Variants in MAP4K4 observed in about 807,000 individuals in gnomAD.
The protein encoded by MAP4K4 is mitogen-activated protein kinase kinase kinase kinase 4.
Under a neutral mutation model 189.6 loss-of-function variants are expected in MAP4K4, and 38 were observed. The observed-to-expected ratio is 0.20, with a 90% CI of 0.15 to 0.26. The LOEUF is 0.26. Ranked by LOEUF, MAP4K4 falls within the 10% of genes least tolerant of loss-of-function variation. The probability of loss-of-function intolerance (pLI) is 1.00; values close to 1 mark genes in which losing one functional copy is unlikely to be tolerated. For missense variants in MAP4K4, 1,054 were observed against 1,726.9 expected (o/e 0.61, Z 6.91); for synonymous variants, 610 against 624.3 (o/e 0.98, Z 0.34).
In MAP4K4 at chr2:101,844,026, A is replaced by G. The variant is rs1378195198; in HGVS notation, c.1023-75A>G. ...AGAATGAATGTAGAAATGGGATAATATGCTGGTGCTATTGACTCACTTATA... is the reference window on the plus strand; with the variant it reads ...AGAATGAATGTAGAAATGGGATAATGTGCTGGTGCTATTGACTCACTTATA... On this transcript the variant is annotated intron_variant, in intron 11 of 32. Transcript: ENST00000324219. 1.9e-5 allele frequency: 18 copies of G among 939,964 alleles called. No homozygotes were observed. The Admixed American group carries it at 4.1e-4, about 21-fold the overall frequency. The allele number at this position is 939,964 out of a possible 1,614,324, so 58.2% of individuals were successfully genotyped here. A position where few individuals can be genotyped will look rare whatever the true frequency, so the allele number is the denominator to read the frequency against.
At chr2:101,765,961 A>T (rs2078455015) in intron 2 of MAP4K4, among the ~76,000 whole-genome samples, 3 of 152,000 alleles carry the variant, frequency 2.0e-5, no homozygotes, top group Non-Finnish European at 4.4e-5. Flanking sequence ...TTTCATCTTT[A>T]AAAAAAATTA....
chr2:101,892,889 TC>T (rs1365422531), exon 33 of MAP4K4: 2 of 456,344 alleles, frequency 4.4e-6, no homozygotes, highest in Admixed American at 4.7e-5. Context: ...CATGTCACAG[TC>T]CTGCCATCTT....
At chr2:101,727,487 A>C (rs1314687714) in intron 2 of MAP4K4, among the ~76,000 whole-genome samples, 4 of 152,264 alleles carry the variant, frequency 2.6e-5, no homozygotes, top group African/African-American at 4.8e-5. Context: ...AGATAAAGCC[A>C]ATAATATCTG....
intron 3 of MAP4K4, among the ~76,000 whole-genome samples, chr2:101,791,436 A>T (rs956281013): frequency 6.6e-6 from 1 of 152,144 alleles, no homozygotes; most frequent in Non-Finnish European, 1.5e-5. Flanking sequence ...TAAATTCTTT[A>T]AAAATAGTAA....
At chr2:101,715,587 C>T (rs186613576) in intron 2 of MAP4K4, among the ~76,000 whole-genome samples, 3 of 152,186 alleles carry the variant, frequency 2.0e-5, no homozygotes, top group Admixed American at 1.3e-4. Context: ...TATCTCTAAT[C>T]CAAAAGTCTG....
chr2:101,755,929 C>CTTTTTTTTTTTTTTTT (rs57392183), intron 2 of MAP4K4, among the ~76,000 whole-genome samples: 1 of 57,792 alleles, frequency 1.7e-5, no homozygotes, highest in African/African-American at 7.2e-5. Context: ...AGTTCTTTTT[C>CTTTTTTTTTTTTTTTT]TTTTTTTTTT....
chr2:101,810,950 C>T lies in MAP4K4; in HGVS notation c.181-12978C>T, dbSNP rs142876537. Among the ~76,000 whole-genome samples, 14 of 152,308 alleles carry T rather than the reference C, an allele frequency of 9.2e-5. No homozygotes were observed. The East Asian group carries it at 2.3e-3, about 25-fold the overall frequency. ...TCCATGGACAAGACGGTGCCTTATG[C>T]ACACTGCTGATAGATTCTGATGTGA... On this transcript the variant is annotated intron_variant, in intron 3 of 32. Coordinates refer to ENST00000324219, the Ensembl canonical transcript of MAP4K4.
intron 12 of MAP4K4, among the ~76,000 whole-genome samples, chr2:101,846,482 T>C (rs1282265365): frequency 1.3e-5 from 2 of 152,186 alleles, no homozygotes; most frequent in African/African-American, 4.8e-5. Context: ...GCACTGGAAA[T>C]GTCTTTCAGG....
At chr2:101,739,251 A>G (rs1052566127) in intron 2 of MAP4K4, among the ~76,000 whole-genome samples, 1 of 152,236 alleles carries the variant, frequency 6.6e-6, no homozygotes, top group African/African-American at 2.4e-5. Context: ...AAATGTGGAC[A>G]GTAGTTCCCA....
intron 2 of MAP4K4, among the ~76,000 whole-genome samples, chr2:101,773,704 CTTT>C (rs910842293): frequency 5.3e-5 from 8 of 152,110 alleles, no homozygotes; most frequent in Non-Finnish European, 1.2e-4. Context: ...TTCTAACTAT[CTTT>C]TTTGTACCCA....
intron 3 of MAP4K4, among the ~76,000 whole-genome samples, chr2:101,802,110 T>C (rs1321943289): frequency 6.6e-6 from 1 of 152,182 alleles, no homozygotes; most frequent in Non-Finnish European, 1.5e-5. Flanking sequence ...CATAATATGT[T>C]TTAATGAGTC....
intron 3 of MAP4K4, among the ~76,000 whole-genome samples, chr2:101,809,542 A>G (rs995370518): frequency 1.3e-5 from 2 of 152,250 alleles, no homozygotes; most frequent in African/African-American, 2.4e-5. Context: ...AGGAAGCAGC[A>G]TATTACTTAG....
intron 2 of MAP4K4, among the ~76,000 whole-genome samples, chr2:101,774,892 GC>G (rs1047267544): frequency 6.6e-6 from 1 of 152,104 alleles, no homozygotes; most frequent in Non-Finnish European, 1.5e-5. Context: ...AATTTGGGCA[GC>G]CCCCGAAGGA....
rs767581699 is a variant in MAP4K4 at position 101,802,565 on chromosome 2, C to G, written c.180+11789C>G. ...GTCACTTGCTGTTTGTTCATTGTGCCTGGAATGCCACTCCCTCACGGCTGC... is the reference window on the plus strand; with the variant it reads ...GTCACTTGCTGTTTGTTCATTGTGCGTGGAATGCCACTCCCTCACGGCTGC... On this transcript the variant is annotated intron_variant, in intron 3 of 32. Transcript: ENST00000324219. Among the ~76,000 whole-genome samples the G allele has an allele frequency of 7.3e-4, 111 of 152,112 alleles. 3 individuals carry two copies. Among genetic ancestry groups the G allele is most frequent in the Admixed American group, 2.0e-4 (3 of 15,268 alleles).
At chr2:101,874,651 G>A (rs1188692056) in intron 26 of MAP4K4, among the ~76,000 whole-genome samples, 2 of 152,184 alleles carry the variant, frequency 1.3e-5, no homozygotes, top group African/African-American at 4.8e-5. Context: ...TCTAGCAGTG[G>A]AAATGTTGGA....
At chr2:101,841,731 T>C (rs1052076992) in intron 10 of MAP4K4, among the ~76,000 whole-genome samples, 1 of 152,134 alleles carries the variant, frequency 6.6e-6, no homozygotes, top group Non-Finnish European at 1.5e-5. Flanking sequence ...TCTCCCAAAG[T>C]GCTGGGATTA....
At chr2:101,777,997 G>T (rs966156662) in intron 2 of MAP4K4, among the ~76,000 whole-genome samples, 2 of 152,184 alleles carry the variant, frequency 1.3e-5, no homozygotes, top group African/African-American at 4.8e-5. Context: ...TGGTGTACTT[G>T]TTGCTGGAAG....
At chr2:101,723,530 G>A (rs1229146941) in intron 2 of MAP4K4, among the ~76,000 whole-genome samples, 1 of 152,182 alleles carries the variant, frequency 6.6e-6, no homozygotes, top group East Asian at 1.9e-4. Context: ...GGTTTGGCTT[G>A]AGAAAGCCTC....
intron 12 of MAP4K4, among the ~76,000 whole-genome samples, chr2:101,848,931 G>T (rs2097194190): frequency 6.6e-6 from 1 of 152,054 alleles, no homozygotes; most frequent in African/African-American, 2.4e-5. Flanking sequence ...GGAGGAAAAG[G>T]GGAGAATGCT....
Sources: allele counts gnomAD v4.1 joint callset (sites outside exome capture counted in the v4.1 genomes callset), GRCh38; gene constraint gnomAD v4.1.1; transcripts MANE v1.5; gene names NCBI Gene and HGNC (gene_info 2026-07-23, HGNC 2026-07-21).